Variants in SLC18A2 observed in about 807,000 individuals in gnomAD.
SLC18A2 encodes solute carrier family 18 member A2.
Under a neutral mutation model 59.2 loss-of-function variants are expected in SLC18A2, and 33 were observed. The ratio of observed to expected loss-of-function variants is 0.56; its 90% CI spans 0.42 to 0.75. SLC18A2 has a LOEUF of 0.75. SLC18A2 is among the 30% of genes least tolerant of loss of function. SLC18A2 has a pLI of 0.00. For missense variants in SLC18A2, 569 were observed against 668.6 expected, an observed-to-expected ratio of 0.85 and a Z score of 1.64; for synonymous variants, 228 against 253.5, an observed-to-expected ratio of 0.90 and a Z score of 0.95.
chr10:117,268,821 T>C (rs1378860154), intron 13 of SLC18A2, among the ~76,000 whole-genome samples: 2 of 148,206 alleles, frequency 1.3e-5, no homozygotes, highest in African/African-American at 4.9e-5. Context: ...TGTGTATGTA[T>C]GTTTATGTGT....
intron 3 of SLC18A2, among the ~76,000 whole-genome samples, chr10:117,244,992 C>A (rs1360253572): frequency 6.6e-6 from 1 of 152,216 alleles, no homozygotes; most frequent in Admixed American, 6.5e-5. Flanking sequence ...TTTTTTTGAA[C>A]CCACATTGTT....
Position 117,270,004 on chromosome 10 carries a change from C to T in SLC18A2, c.1187-67C>T, listed in dbSNP as rs363230. On this transcript the variant is annotated intron_variant, in intron 13 of 15. Transcript: ENST00000644641. ...AGGGTGGTGAGTTTAAGACACACTC[C>T]CTGATATTCGGCCCATTTTGGGTTT... 0.52 allele frequency: 821,763 copies of T among 1,589,044 alleles called. 214,629 individuals carry two copies. Among genetic ancestry groups the T allele is most frequent in the Admixed American group, 0.57 (33,382 of 58,944 alleles).
At chr10:117,267,805 G>A (rs1844365920) in intron 13 of SLC18A2, 69 bp downstream of exon 13, 1 of 1,229,888 alleles carries the variant, frequency 8.1e-7, no homozygotes, top group Non-Finnish European at 1.2e-6. Context: ...TTCTTCCTCT[G>A]GTAGACTGTA....
intron 2 of SLC18A2, 55 bp downstream of exon 2, chr10:117,241,869 C>T (rs1259876240): frequency 6.5e-7 from 1 of 1,528,358 alleles, no homozygotes; most frequent in Admixed American, 1.9e-5. Context: ...CGCCCCTTCC[C>T]CGGCACTCCA....
intron 10 of SLC18A2, among the ~76,000 whole-genome samples, chr10:117,259,291 A>G (rs996652865): frequency 6.6e-6 from 1 of 152,208 alleles, no homozygotes; most frequent in African/African-American, 2.4e-5. Flanking sequence ...ATATCCACCA[A>G]AGTTTCTGGC....
chr10:117,274,724 A>C (rs1280795191), intron 15 of SLC18A2, among the ~76,000 whole-genome samples: 1 of 152,048 alleles, frequency 6.6e-6, no homozygotes, highest in African/African-American at 2.4e-5. Flanking sequence ...CATCTTTCAA[A>C]GTTTACCTCA....
chr10:117,250,098 G>A lies in SLC18A2; in HGVS notation c.465-3301G>A, dbSNP rs148015460. On this transcript the variant is annotated intron_variant, in intron 3 of 15. Transcript: ENST00000644641. ...CACTCAATGACTAGGGACGCTGGACGACTCTCCTTCTATGGTGGGTGCCCG... is the reference window on the plus strand; with the variant it reads ...CACTCAATGACTAGGGACGCTGGACAACTCTCCTTCTATGGTGGGTGCCCG... Among the ~76,000 whole-genome samples, 274 of 152,306 alleles carry A rather than the reference G, an allele frequency of 1.8e-3. 3 individuals are homozygous for A. Among genetic ancestry groups the A allele is most frequent in the African/African-American group, 6.0e-3 (248 of 41,572 alleles).
At chr10:117,272,114 G>A (rs1015388048) in intron 15 of SLC18A2, among the ~76,000 whole-genome samples, 2 of 152,116 alleles carry the variant, frequency 1.3e-5, no homozygotes, top group Admixed American at 6.6e-5. Context: ...AAATGATAAC[G>A]TCTACCTCAT....
chr10:117,269,040 A>G lies in SLC18A2; in HGVS notation c.1187-1031A>G, dbSNP rs1276394767. ...GACACACGCATACACACACACATAC[A>G]CACATACACCCCCCACATAAACACA... is the stretch of plus-strand genomic sequence containing the variant. On this transcript the variant is annotated intron_variant, in intron 13 of 15. Transcript: ENST00000644641. The surrounding 1 kb of genome is among the most constrained non-coding windows in gnomAD (Gnocchi z 5.1). 6.8e-6 allele frequency among the ~76,000 whole-genome samples: 1 copy of G among 148,044 alleles called. No individual in the cohort carries two copies. Among genetic ancestry groups the G allele is most frequent in the Non-Finnish European group, 1.5e-5 (1 of 66,596 alleles).
At chr10:117,252,990 C>T (rs534637223) in intron 3 of SLC18A2, among the ~76,000 whole-genome samples, 2 of 152,346 alleles carry the variant, frequency 1.3e-5, no homozygotes, top group Admixed American at 1.3e-4. Context: ...CTTAGACATA[C>T]TGCAGTCTGC....
intron 10 of SLC18A2, among the ~76,000 whole-genome samples, chr10:117,262,234 G>A (rs909391240): frequency 1.4e-5 from 2 of 144,150 alleles, no homozygotes; most frequent in Admixed American, 6.8e-5. Context: ...CACGTGAATT[G>A]TGTCATAAAA....
intron 10 of SLC18A2, among the ~76,000 whole-genome samples, chr10:117,265,944 A>G (rs1165201999): frequency 6.6e-6 from 1 of 151,966 alleles, no homozygotes; most frequent in African/African-American, 2.4e-5. Context: ...ACAAAAATTA[A>G]CTAGGCGTGG....
chr10:117,268,583 G>GC (rs11433861), intron 13 of SLC18A2: 121,991 of 152,108 alleles, frequency 0.8, 49,602 homozygotes, highest in Non-Finnish European at 0.88. Context: ...TAACTGTACG[G>GC]CCCCTGGCCT....
At position 117,269,174 on chromosome 10, in the gene SLC18A2, TATACAC is replaced by T. The variant is rs1844391800; in HGVS notation, c.1187-895_1187-890del. ...ACATATGCACACATACACACATACA[TATACAC>T]ACATACACACACACCTACACACATA... is the stretch of plus-strand genomic sequence containing the variant. On this transcript the variant is annotated intron_variant, in intron 13 of 15. Transcript: ENST00000644641. This position sits in a 1 kb window ranked among gnomAD's most constrained non-coding sequence, Gnocchi z 5.1. Among the ~76,000 whole-genome samples, 3 of 146,112 alleles carry T rather than the reference TATACAC, an allele frequency of 2.1e-5. No individual in the cohort carries two copies. Among genetic ancestry groups the T allele is most frequent in the Non-Finnish European group, 4.5e-5 (3 of 66,498 alleles).
intron 14 of SLC18A2, 21 bp from the exon 15 acceptor site, chr10:117,270,309 T>C: frequency 6.2e-7 from 1 of 1,613,956 alleles, no homozygotes; most frequent in South Asian, 1.1e-5. Context: ...GAGCTTTATC[T>C]AATTCTCTGT....
chr10:117,259,036 G>A (rs1347236151), intron 10 of SLC18A2, among the ~76,000 whole-genome samples: 1 of 152,058 alleles, frequency 6.6e-6, no homozygotes, highest in Admixed American at 6.5e-5. Flanking sequence ...CCACATAGAA[G>A]TATCAAACAA....
rs1844515321 is a variant in SLC18A2 at position 117,277,417 on chromosome 10, G to A, written c.*151G>A. On this transcript the variant is annotated 3_prime_UTR_variant, in exon 16 of 16. Transcript: ENST00000644641. ...TTATTTCCTTTCCATGGTTATGGTC[G>A]ATTGCCAACAGCCTTATAAAGAAAA... 1.5e-5 allele frequency: 7 copies of A among 474,530 alleles called. No homozygotes were observed. The highest frequency in any genetic ancestry group is 3.4e-5 in the East Asian group (1 of 29,446). 29.4% of individuals were successfully genotyped at this position (474,530 alleles called of 1,614,324 possible). A position where few individuals can be genotyped will look rare whatever the true frequency, so the allele number is the denominator to read the frequency against.
chr10:117,243,293 C>G lies in SLC18A2; in HGVS notation c.122-678C>G, dbSNP rs1198035524. Among the ~76,000 whole-genome samples, 4 of 152,254 alleles carry G rather than the reference C, an allele frequency of 2.6e-5. No homozygotes were observed. In the South Asian group the frequency reaches 6.2e-4, roughly 24 times the overall value. ...CTGGTTGACTCCAGGTCAGCACTCT[C>G]TTAACGTCAGGCCACATTTTGCTTT... On this transcript the variant is annotated intron_variant, in intron 2 of 15. Coordinates refer to ENST00000644641, the MANE Select transcript of SLC18A2 (RefSeq NM_003054.6).
intron 10 of SLC18A2, among the ~76,000 whole-genome samples, chr10:117,263,065 T>G (rs1159842376): frequency 3.3e-5 from 5 of 152,210 alleles, no homozygotes; most frequent in African/African-American, 9.7e-5. Flanking sequence ...CTCAACCCGC[T>G]TGCTGCACAT....
Sources: allele counts gnomAD v4.1 joint callset (sites outside exome capture counted in the v4.1 genomes callset), GRCh38; gene constraint gnomAD v4.1.1; non-coding constraint Gnocchi (gnomAD v3.1); transcripts MANE v1.5; gene names NCBI Gene and HGNC (gene_info 2026-07-23, HGNC 2026-07-21).